The following SENP7 variants were observed in gnomAD, a reference collection of about 807,000 sequenced individuals.
SENP7 encodes the protein SUMO specific peptidase 7.
Under a neutral mutation model 141.2 loss-of-function variants are expected in SENP7, and 64 were observed. That is an observed-to-expected ratio of 0.45 (90% CI 0.37 to 0.56). The LOEUF is 0.56. Ranked by LOEUF, SENP7 falls within the 20% of genes least tolerant of loss-of-function variation. The pLI is 0.00. For synonymous variants in SENP7, 382 were observed against 426.4 expected (o/e 0.90, Z 1.28); for missense variants, 1,025 against 1,212.2 (o/e 0.85, Z 2.29).
intron 4 of SENP7, among the ~76,000 whole-genome samples, chr3:101,454,092 G>C (rs1433460989): frequency 6.6e-6 from 1 of 152,204 alleles, no homozygotes; most frequent in Non-Finnish European, 1.5e-5. Context: ...TACATTGCTG[G>C]TGGGAATGCA....
intron 5 of SENP7, among the ~76,000 whole-genome samples, chr3:101,409,314 C>T (rs1162702860): frequency 6.6e-6 from 1 of 152,166 alleles, no homozygotes; most frequent in Non-Finnish European, 1.5e-5. Context: ...GGAAACACAT[C>T]CCATACTCAT....
intron 6 of SENP7, among the ~76,000 whole-genome samples, chr3:101,394,515 AAT>A (rs1491434804): frequency 6.9e-6 from 1 of 145,008 alleles, no homozygotes; most frequent in Non-Finnish European, 1.5e-5. Flanking sequence ...TCTTTTTAAA[AAT>A]TTTTTTTTTT....
intron 4 of SENP7, chr3:101,458,666 T>G (rs2063439600): frequency 5.3e-6 from 1 of 188,296 alleles, no homozygotes; most frequent in South Asian, 1.7e-4. Flanking sequence ...GGAACACCCT[T>G]TCTCACTGCT....
intron 9 of SENP7, 69 bp downstream of exon 9, chr3:101,366,361 A>C: frequency 8.2e-7 from 1 of 1,216,974 alleles, no homozygotes; most frequent in Non-Finnish European, 1.1e-6. Context: ...AATTTGTTCA[A>C]GAAGAATAAA....
intron 12 of SENP7, among the ~76,000 whole-genome samples, chr3:101,348,510 G>C (rs2059531635): frequency 6.6e-6 from 1 of 151,988 alleles, no homozygotes; most frequent in South Asian, 2.1e-4. Context: ...TTTCTATATT[G>C]GTCAATACTA....
intron 12 of SENP7, among the ~76,000 whole-genome samples, chr3:101,349,440 C>G (rs1431990687): frequency 1.3e-5 from 2 of 152,104 alleles, no homozygotes; most frequent in African/African-American, 4.8e-5. Context: ...AAAAGATTAT[C>G]TTTTTCCTGT....
At position 101,359,679 on chromosome 3, in the gene SENP7, G is replaced by T. The variant is rs185031446; in HGVS notation, c.1623+2036C>A. Among the ~76,000 whole-genome samples the T allele has an allele frequency of 4.8e-3, 723 of 151,840 alleles. 2 individuals are homozygous for T. Among genetic ancestry groups the T allele is most frequent in the Non-Finnish European group, 7.3e-3 (493 of 67,916 alleles). On this transcript the variant is annotated intron_variant, in intron 11 of 23. Coordinates refer to ENST00000394095, the MANE Select transcript of SENP7 (RefSeq NM_020654.5). ...AAATAAGTAGAGGAATTAAATTAAT[G>T]AAATTATGGTAAGTTACAAAATAGT...
chr3:101,414,311 T>C (rs7622940), intron 5 of SENP7: 217,016 of 736,326 alleles, frequency 0.29, 31,216 homozygotes, highest in East Asian at 0.43. Flanking sequence ...CAGGGTCTCA[T>C]GTTCCGGTGC....
intron 19 of SENP7, among the ~76,000 whole-genome samples, chr3:101,330,956 G>A (rs9827098): frequency 0.013 from 2,017 of 152,028 alleles, 11 homozygotes; most frequent in Non-Finnish European, 0.023. Context: ...TTTAGATTTT[G>A]GCTTGTAAGA....
intron 6 of SENP7, among the ~76,000 whole-genome samples, chr3:101,381,353 C>G (rs902979513): frequency 6.6e-6 from 1 of 152,022 alleles, no homozygotes; most frequent in African/African-American, 2.4e-5. Context: ...CTATCTATCT[C>G]ATAGGCCTAA....
intron 6 of SENP7, among the ~76,000 whole-genome samples, chr3:101,375,810 T>C (rs1015316768): frequency 6.6e-6 from 1 of 152,196 alleles, no homozygotes; most frequent in African/African-American, 2.4e-5. Context: ...GAACTTGTGA[T>C]AAGTGCTACA....
At chr3:101,443,105 C>A (rs1382548798) in intron 4 of SENP7, among the ~76,000 whole-genome samples, 1 of 152,132 alleles carries the variant, frequency 6.6e-6, no homozygotes, top group Non-Finnish European at 1.5e-5. Context: ...AGTCTTTAAT[C>A]CATCTTGAAT....
At chr3:101,435,380 C>T (rs2062345808) in intron 4 of SENP7, among the ~76,000 whole-genome samples, 2 of 152,024 alleles carry the variant, frequency 1.3e-5, no homozygotes, top group South Asian at 4.1e-4. Flanking sequence ...TAGAACACAA[C>T]AAGGATGTCT....
In SENP7 at chr3:101,494,033, A is replaced by G. The variant is rs117316771; in HGVS notation, c.91-65T>C. 330 of 996,816 alleles carry G rather than the reference A, an allele frequency of 3.3e-4. 6 individuals carry two copies. The East Asian group carries it at 7.4e-3, about 22-fold the overall frequency. 61.7% of individuals were successfully genotyped at this position (996,816 alleles called of 1,614,324 possible). A position where few individuals can be genotyped will look rare whatever the true frequency, so the allele number is the denominator to read the frequency against. Reference sequence around the variant, plus strand: ...ATATACAAGAGCTAATTCAGCTAACAGAACCACTATACTACCCTGCATCAA... The same window carrying G: ...ATATACAAGAGCTAATTCAGCTAACGGAACCACTATACTACCCTGCATCAA... On this transcript the variant is annotated intron_variant, in intron 2 of 23. Transcript: ENST00000394095.
intron 5 of SENP7, among the ~76,000 whole-genome samples, chr3:101,408,755 C>A (rs1427983855): frequency 2.0e-5 from 3 of 152,112 alleles, no homozygotes; most frequent in Admixed American, 6.5e-5. Flanking sequence ...AAACTCTCAG[C>A]AAAATCGGCA....
chr3:101,460,451 TA>T (rs2063508815), intron 3 of SENP7, among the ~76,000 whole-genome samples: 1 of 152,098 alleles, frequency 6.6e-6, no homozygotes, highest in Non-Finnish European at 1.5e-5. Flanking sequence ...GAGAGAAAAA[TA>T]AACTTTCAAC....
rs1419160482 is a variant in SENP7 at position 101,340,194 on chromosome 3, G to A, written c.2258C>T (p.Pro753Leu). The change falls in exon 16 of 24, where the codon CCA becomes CTA. Residue 753 changes from proline to leucine, a missense_variant. Physicochemically the swap from Pro to Leu is moderately conservative, Grantham distance 98. This residue lies in a region of SENP7 where 295 missense variants were observed against 459.1 expected (regional missense o/e 0.64). Coordinates refer to ENST00000394095, the MANE Select transcript of SENP7 (RefSeq NM_020654.5). ...GLVQKLIVYPPPPTKGGLGVT... is the reference protein window; with the variant it reads ...GLVQKLIVYPLPPTKGGLGVT... ...TCCTAATCCCCCCTTAGTAGGTGGT[G>A]GAGGATATACAATCAACCTTAAAAG... 5 of 1,596,114 alleles carry A rather than the reference G, an allele frequency of 3.1e-6. No individual in the cohort carries two copies. Among genetic ancestry groups the A allele is most frequent in the Non-Finnish European group, 4.3e-6 (5 of 1,173,968 alleles).
At chr3:101,461,764 A>G (rs1273399604) in intron 3 of SENP7, among the ~76,000 whole-genome samples, 2 of 152,220 alleles carry the variant, frequency 1.3e-5, no homozygotes, top group Non-Finnish European at 2.9e-5. Flanking sequence ...TGAAAACAAT[A>G]CAAACAGATG....
intron 17 of SENP7, 104 bp downstream of exon 17, chr3:101,337,405 G>T: frequency 1.3e-6 from 1 of 744,086 alleles, no homozygotes; most frequent in Non-Finnish European, 2.1e-6. Context: ...ACAAATGGTA[G>T]TACTGCCTAC....
Sources: allele counts gnomAD v4.1 joint callset (sites outside exome capture counted in the v4.1 genomes callset), GRCh38; gene constraint gnomAD v4.1.1; regional missense constraint gnomAD v4.1.1; transcripts MANE v1.5; gene names NCBI Gene and HGNC (gene_info 2026-07-23, HGNC 2026-07-21).